Variants in MCM8 observed in about 807,000 individuals in gnomAD.
The protein encoded by MCM8 is DNA helicase MCM8.
A neutral mutation model predicts 98.9 loss-of-function variants in MCM8; 85 were observed. That is an observed-to-expected ratio of 0.86 (90% CI 0.72 to 1.03). The LOEUF (loss-of-function observed/expected upper bound fraction) is 1.03, where lower values mean the gene tolerates loss of function less well. Among genes scored for constraint, MCM8 ranks in the 50% least tolerant of loss-of-function variants. The pLI, the probability that MCM8 is intolerant of heterozygous loss-of-function variation, is 0.00. For missense variants in MCM8, 951 were observed against 997.8 expected (o/e 0.95, Z 0.63); for synonymous variants, 352 against 338.6 (o/e 1.04, Z -0.44).
rs1416943034 is a variant in MCM8 at position 5,952,022 on chromosome 20, G to A, written c.7G>A (p.Gly3Arg). MN[G>R]EYRGRGFGRG... is the part of the protein sequence containing the mutation. ...TATCTATCTTTTAGGAGAGATGAAT[G>A]GAGAGTATAGAGGCAGAGGATTTGG... The change falls in exon 2 of 19, where the codon GGA (glycine) becomes AGA (arginine). Residue 3 changes from glycine (G) to arginine (R), a missense_variant. Gly to Arg is a moderately radical substitution (Grantham distance 125, BLOSUM62 -2). Coordinates refer to ENST00000610722, the MANE Select transcript of MCM8 (RefSeq NM_032485.6). The A allele has an allele frequency of 4.3e-6, 7 of 1,612,618 alleles. No homozygotes were observed. Among genetic ancestry groups the A allele is most frequent in the African/African-American group, 1.3e-5 (1 of 74,846 alleles).
rs2088260163 is a variant in MCM8, at chr20:5,987,290, A to G, written c.2172A>G (p.Ala724=). 1.2e-6 allele frequency: 2 copies of G among 1,613,230 alleles called. No homozygotes were observed. The highest frequency in any genetic ancestry group is 1.7e-5 in the Admixed American group (1 of 59,862). ...GGTGTTTTCTTTTAAAGGCACGAGC[A>G]AGGTTGGAATTGAGAGAGGAAGCAA... ...ESLIRLTEAR[A]RLELREEATK... Residue 724 remains alanine (A), a synonymous_variant, in exon 17 of 19, where the codon GCA becomes GCG. Coordinates refer to ENST00000610722, the MANE Select transcript of MCM8 (RefSeq NM_032485.6).
chr20:5,982,910 A>G (rs1600295568), intron 13 of MCM8, 60 bp from the exon 14 acceptor site: 1 of 1,413,374 alleles, frequency 7.1e-7, no homozygotes, highest in Non-Finnish European at 9.7e-7. Context: ...CTATCCTATA[A>G]AATTTGGAAC....
intron 12 of MCM8, among the ~76,000 whole-genome samples, chr20:5,975,533 G>T (rs1288520453): frequency 7.3e-6 from 1 of 136,126 alleles, no homozygotes; most frequent in Non-Finnish European, 1.5e-5. Context: ...GTCTCGCTCT[G>T]CCGCCCAGGC....
At chr20:5,993,403 C>T (rs909078522) in intron 17 of MCM8, 103 bp from the exon 18 acceptor site, 2 of 822,152 alleles carry the variant, frequency 2.4e-6, no homozygotes, top group Non-Finnish European at 3.6e-6. Context: ...CTAAGTGAGC[C>T]TTGTGGCTAC....
At chr20:5,953,244 C>T (rs991130944) in intron 3 of MCM8, among the ~76,000 whole-genome samples, 3 of 152,078 alleles carry the variant, frequency 2.0e-5, no homozygotes, top group Admixed American at 1.3e-4. Flanking sequence ...ATTATAGCAT[C>T]GCAGAGCAGG....
intron 6 of MCM8, among the ~76,000 whole-genome samples, chr20:5,958,146 G>A (rs1375257185): frequency 2.0e-5 from 3 of 152,190 alleles, no homozygotes; most frequent in Admixed American, 6.5e-5. Flanking sequence ...CGAGGCAGGC[G>A]GATCACGAGG....
chr20:5,968,011 T>A lies in MCM8; in HGVS notation c.1209T>A (p.Phe403Leu). The change falls in exon 10 of 19, where the codon TTT (phenylalanine) becomes TTA (leucine). Residue 403 changes from phenylalanine (F) to leucine (L), a missense_variant. Physicochemically the swap from Phe to Leu is conservative, Grantham distance 22. Transcript: ENST00000610722. The stretch of plus-strand genomic sequence containing the variant: ...AGATTCAAGCTGAAGAAAACCTGTT[T>A]AAACTCATTGTCAAGTATGTATGCT... ...IQEIQAEENL[F>L]KLIVNSLCPV... 1 of 1,608,856 alleles carries A rather than the reference T, an allele frequency of 6.2e-7. No individual in the cohort carries two copies. Among genetic ancestry groups the A allele is most frequent in the Non-Finnish European group, 8.5e-7 (1 of 1,178,230 alleles).
chr20:5,968,184 G>T (rs959524083), intron 10 of MCM8, among the ~76,000 whole-genome samples, 159 bp downstream of exon 10: 2 of 152,092 alleles, frequency 1.3e-5, no homozygotes, highest in Non-Finnish European at 2.9e-5. Context: ...AACTAAGAAT[G>T]GTTTTTATAT....
intron 4 of MCM8, 105 bp from the exon 5 acceptor site, chr20:5,954,997 C>T: frequency 1.3e-6 from 1 of 779,790 alleles, no homozygotes; most frequent in Non-Finnish European, 2.0e-6. Flanking sequence ...ACCATTATCA[C>T]ATATAAACAT....
rs71334371 is a variant in MCM8 at position 5,997,185 on chromosome 20, CTTTTTTTT to C, written c.*2803_*2810del. Reference sequence around the variant, plus strand: ...GAAAGTTTCTTTTTTTTTCTTTTTTCTTTTTTTTTTTTTTTTGAGACAGAGTTTTGCTC... The same window carrying C: ...GAAAGTTTCTTTTTTTTTCTTTTTTCTTTTTTTTGAGACAGAGTTTTGCTC... On this transcript the variant is annotated 3_prime_UTR_variant, in exon 19 of 19. Coordinates refer to ENST00000610722, the MANE Select transcript of MCM8 (RefSeq NM_032485.6). 2.2e-5 allele frequency: 3 copies of C among 134,804 alleles called. No individual in the cohort carries two copies. Among genetic ancestry groups the C allele is most frequent in the African/African-American group, 5.7e-5 (2 of 35,038 alleles). 8.4% of individuals were successfully genotyped at this position (134,804 alleles called of 1,614,324 possible). A position where few individuals can be genotyped will look rare whatever the true frequency, so the allele number is the denominator to read the frequency against.
intron 11 of MCM8, chr20:5,972,525 A>G (rs2089426306): frequency 3.2e-6 from 1 of 310,842 alleles, no homozygotes; most frequent in Admixed American, 4.7e-5. Flanking sequence ...AACTTTTACC[A>G]ACTAGAGTAA....
intron 13 of MCM8, among the ~76,000 whole-genome samples, chr20:5,980,996 C>G (rs1232080764): frequency 6.6e-6 from 1 of 151,708 alleles, no homozygotes; most frequent in African/African-American, 2.4e-5. Context: ...CAAGCTAAAA[C>G]TGGCTTATAT....
chr20:5,957,983 T>C (rs368986895), intron 6 of MCM8, among the ~76,000 whole-genome samples: 1 of 151,748 alleles, frequency 6.6e-6, no homozygotes, highest in African/African-American at 2.4e-5. Context: ...ATTTTCCTTT[T>C]GGCATTATTT....
Position 5,998,188 on chromosome 20 carries a change from G to T in MCM8, c.*3797G>T, listed in dbSNP as rs145674608. On this transcript the variant is annotated 3_prime_UTR_variant, in exon 19 of 19. Transcript: ENST00000610722. ...TGACTAGCCAAAGAGGTGGATAAAT[G>T]TAGATACAATGATACGGTGATTTGG... 1 of 152,204 alleles carries T rather than the reference G, an allele frequency of 6.6e-6. No individual in the cohort carries two copies. The highest frequency in any genetic ancestry group is 2.4e-5 in the African/African-American group (1 of 41,446). The allele number at this position is 152,204 out of a possible 1,614,324, so 9.4% of individuals were successfully genotyped here.
chr20:5,959,447 T>G (rs2122676719), intron 7 of MCM8, among the ~76,000 whole-genome samples: 1 of 152,332 alleles, frequency 6.6e-6, no homozygotes, highest in South Asian at 2.1e-4. Flanking sequence ...AATGGTATCC[T>G]GAATGTAACA....
chr20:5,997,178 C>CTT lies in MCM8; in HGVS notation c.*2792_*2793dup. 1 of 140,958 alleles carries CTT rather than the reference C, an allele frequency of 7.1e-6. No individual in the cohort carries two copies. The highest frequency in any genetic ancestry group is 1.4e-5 in the Non-Finnish European group (1 of 69,500). 8.7% of individuals were successfully genotyped at this position (140,958 alleles called of 1,614,324 possible). A position where few individuals can be genotyped will look rare whatever the true frequency, so the allele number is the denominator to read the frequency against. On this transcript the variant is annotated 3_prime_UTR_variant, in exon 19 of 19. Transcript: ENST00000610722. The stretch of plus-strand genomic sequence containing the variant: ...ACATCATGAAAGTTTCTTTTTTTTT[C>CTT]TTTTTTCTTTTTTTTTTTTTTTTGA...
intron 5 of MCM8, among the ~76,000 whole-genome samples, chr20:5,955,556 C>T (rs1477467482): frequency 6.6e-6 from 1 of 152,110 alleles, no homozygotes; most frequent in East Asian, 1.9e-4. Flanking sequence ...TATACAATCT[C>T]ATAGGGAAGA....
chr20:5,980,299 T>G (rs1364916653), intron 13 of MCM8, among the ~76,000 whole-genome samples: 1 of 152,144 alleles, frequency 6.6e-6, no homozygotes, highest in Non-Finnish European at 1.5e-5. Flanking sequence ...ATTGGCTGAG[T>G]AGAACATAAG....
rs746417205 is a variant in MCM8 at position 5,952,512 on chromosome 20, G to A, written c.237G>A (p.Lys79=). 11 of 1,613,380 alleles carry A rather than the reference G, an allele frequency of 6.8e-6. No individual in the cohort carries two copies. The highest frequency in any genetic ancestry group is 8.5e-6 in the Non-Finnish European group (10 of 1,179,616). The stretch of plus-strand genomic sequence containing the variant: ...GATTCATACCATATAAAGGCTGGAA[G>A]CTTTATTTCTCTGAAGGTAGGGTTT... ...LDRFIPYKGW[K]LYFSEVYSDS... The change falls in exon 3 of 19, where the codon AAG becomes AAA. Residue 79 remains lysine, a synonymous_variant. Transcript: ENST00000610722.
Sources: gnomAD v4.1 joint callset for allele counts (sites outside exome capture counted in the v4.1 genomes callset) on GRCh38, gnomAD v4.1.1 for gene constraint, MANE v1.5 for transcripts, NCBI Gene and HGNC (gene_info 2026-07-23, HGNC 2026-07-21) for gene names.